The following FPGS variants were observed in gnomAD, a reference collection of about 807,000 sequenced individuals.
The protein encoded by FPGS is folylpolyglutamate synthase, mitochondrial.
Under a neutral mutation model 66.5 loss-of-function variants are expected in FPGS, and 53 were observed. The observed-to-expected ratio is 0.80, with a 90% CI of 0.64 to 1.00. The LOEUF (loss-of-function observed/expected upper bound fraction) is 1.00. Among genes scored for constraint, FPGS ranks in the 50% least tolerant of loss-of-function variants. The pLI is 0.00. For synonymous variants in FPGS, 348 were observed against 350.9 expected (o/e 0.99, Z 0.09); for missense variants, 702 against 807.7 (o/e 0.87, Z 1.59).
rs1001045385 is a variant in FPGS, at chr9:127,802,903, C to G, written c.-22C>G. ...GGGCGTCTCCCGCCCGGGCCTAGAGCGCTGCCGGGGGCGCCGGGACTATGT... is the reference window on the plus strand; with the variant it reads ...GGGCGTCTCCCGCCCGGGCCTAGAGGGCTGCCGGGGGCGCCGGGACTATGT... On this transcript the variant is annotated 5_prime_UTR_variant, in exon 1 of 15. Transcript: ENST00000373247. 6 of 1,349,464 alleles carry G rather than the reference C, an allele frequency of 4.4e-6. No homozygotes were observed. The highest frequency in any genetic ancestry group is 5.7e-6 in the Non-Finnish European group (6 of 1,057,006). The allele number at this position is 1,349,464 out of a possible 1,614,324, so 83.6% of individuals were successfully genotyped here. A position where few individuals can be genotyped will look rare whatever the true frequency, so the allele number is the denominator to read the frequency against.
At chr9:127,810,892 T>C (rs1031733706) in intron 13 of FPGS, 53 bp from the exon 14 acceptor site, 17 of 973,130 alleles carry the variant, frequency 1.7e-5, no homozygotes, top group South Asian at 5.8e-5. Flanking sequence ...ATATGGAAGT[T>C]GGTGGACATC....
At position 127,809,809 on chromosome 9, in the gene FPGS, C is replaced by T. The variant is rs1375923820; in HGVS notation, c.1186C>T (p.Leu396=). The change falls in exon 12 of 15, where the codon CTG becomes TTG. Residue 396 remains leucine (L), a synonymous_variant. Transcript: ENST00000373247. Reference sequence around the variant, plus strand: ...CTGCGTGCGCTGGTTCCGCCAGGCGCTGCAGGGCCGCGAGAGGCCGAGCGG... The same window carrying T: ...CTGCGTGCGCTGGTTCCGCCAGGCGTTGCAGGGCCGCGAGAGGCCGAGCGG... The part of the protein sequence containing the change: ...QACVRWFRQA[L]QGRERPSGGP... The T allele has an allele frequency of 2.7e-6, 4 of 1,475,358 alleles. No individual in the cohort carries two copies. The highest frequency in any genetic ancestry group is 8.9e-7 in the Non-Finnish European group (1 of 1,123,062). 91.4% of individuals were successfully genotyped at this position (1,475,358 alleles called of 1,614,324 possible).
At chr9:127,811,517 A>T (rs973169260) in intron 14 of FPGS, among the ~76,000 whole-genome samples, 8 of 152,006 alleles carry the variant, frequency 5.3e-5, no homozygotes, top group Non-Finnish European at 1.2e-4. Flanking sequence ...ACAGAGTCTC[A>T]CTCTGTCCCC....
At chr9:127,812,571 A>C (rs1248851080) in intron 14 of FPGS, among the ~76,000 whole-genome samples, 1 of 152,082 alleles carries the variant, frequency 6.6e-6, no homozygotes, top group Non-Finnish European at 1.5e-5. Flanking sequence ...GCTTGATCTC[A>C]GCTCACTGCA....
At position 127,810,937 on chromosome 9, in the gene FPGS, C is replaced by T; in HGVS notation, c.1288-8C>T. The T allele has an allele frequency of 6.4e-7, 1 of 1,553,648 alleles. No homozygotes were observed. The highest frequency in any genetic ancestry group is 8.8e-7 in the Non-Finnish European group (1 of 1,138,328). On this transcript the variant is annotated splice_region_variant and splice_polypyrimidine_tract_variant and intron_variant, in intron 13 of 14. Transcript: ENST00000373247. Reference sequence around the variant, plus strand: ...GTCTGACACCAAGTCTTTCCCTTGGCCTTCTAGCCCTGCCAGTTTGACTAT... The same window carrying T: ...GTCTGACACCAAGTCTTTCCCTTGGTCTTCTAGCCCTGCCAGTTTGACTAT...
intron 14 of FPGS, among the ~76,000 whole-genome samples, chr9:127,812,529 T>C (rs1830122013): frequency 6.6e-6 from 1 of 150,424 alleles, no homozygotes; most frequent in Admixed American, 6.6e-5. Context: ...TAAGATGGAG[T>C]CTTGCTCTGT....
Position 127,804,815 on chromosome 9 carries a change from C to CAT in FPGS, c.386+115_386+116insAT. 4 of 922,596 alleles carry CAT rather than the reference C, an allele frequency of 4.3e-6. No homozygotes were observed. In the South Asian group the frequency reaches 5.3e-5, roughly 12 times the overall value. The allele number at this position is 922,596 out of a possible 1,614,324, so 57.2% of individuals were successfully genotyped here. A position where few individuals can be genotyped will look rare whatever the true frequency, so the allele number is the denominator to read the frequency against. ...CCCAGGAGGTCAGCTGCATGTCTCT[C>CAT]TGCCCAGTGTTTATTCATTCAATAA... On this transcript the variant is annotated intron_variant, in intron 4 of 14. Coordinates refer to ENST00000373247, the MANE Select transcript of FPGS (RefSeq NM_004957.6).
chr9:127,807,653 GAGA>G lies in FPGS; in HGVS notation c.713_715del (p.Lys238del). On this transcript the variant is annotated inframe_deletion, in exon 8 of 15. Coordinates refer to ENST00000373247, the MANE Select transcript of FPGS (RefSeq NM_004957.6). The surrounding 1 kb of genome is among the most constrained non-coding windows in gnomAD (Gnocchi z 5.8). ...CACCAGCCTCCTGGGGGATACGGTG[GAGA>G]AGATCGCATGGCAGAAAGGGGGCAT... is the stretch of plus-strand genomic sequence containing the variant. 6.3e-7 allele frequency: 1 copy of G among 1,597,146 alleles called. No homozygotes were observed. Among genetic ancestry groups the G allele is most frequent in the Non-Finnish European group, 8.5e-7 (1 of 1,175,556 alleles).
chr9:127,809,662 C>T (rs1241846512), intron 11 of FPGS, 22 bp from the exon 12 acceptor site: 2 of 1,574,796 alleles, frequency 1.3e-6, no homozygotes, highest in Non-Finnish European at 1.7e-6. Flanking sequence ...GCCTGGAGGA[C>T]TGCCTTGCTG....
intron 1 of FPGS, among the ~76,000 whole-genome samples, chr9:127,803,927 G>C (rs1424410706): frequency 6.6e-6 from 1 of 152,210 alleles, no homozygotes; most frequent in Non-Finnish European, 1.5e-5. Context: ...TTCTGGCCCC[G>C]CTCTGGCAGG....
chr9:127,812,749 A>G (rs1452691163), intron 14 of FPGS, among the ~76,000 whole-genome samples: 2 of 149,798 alleles, frequency 1.3e-5, no homozygotes, highest in African/African-American at 4.9e-5. Context: ...CTGATCTTGA[A>G]CTCTTGACCT....
chr9:127,806,769 G>A (rs10987743), intron 4 of FPGS: 1 of 590,312 alleles, frequency 1.7e-6, no homozygotes, highest in East Asian at 2.8e-5. Flanking sequence ...GTGGTGAATA[G>A]GGTGAGCCAG....
chr9:127,814,090 C>G, downstream of FPGS: 6 of 986,880 alleles, frequency 6.1e-6, no homozygotes, highest in Non-Finnish European at 7.2e-6. Flanking sequence ...GACCCTTGAC[C>G]CCCTGCTCCC....
rs1733982923 is a variant in FPGS at position 127,803,068 on chromosome 9, A to G, written c.138+6A>G. On this transcript the variant is annotated splice_donor_region_variant and intron_variant, in intron 1 of 14. Coordinates refer to ENST00000373247, the MANE Select transcript of FPGS (RefSeq NM_004957.6). Reference sequence around the variant, plus strand: ...AGCCGAGCATGGAGTACCAGGTATCAGGCGGGCCAGCGGGCCAGCGGGCCT... The same window carrying G: ...AGCCGAGCATGGAGTACCAGGTATCGGGCGGGCCAGCGGGCCAGCGGGCCT... The G allele has an allele frequency of 1.3e-5, 18 of 1,390,634 alleles. No homozygotes were observed. Among genetic ancestry groups the G allele is most frequent in the South Asian group, 1.6e-5 (1 of 63,078 alleles). The allele number at this position is 1,390,634 out of a possible 1,614,324, so 86.1% of individuals were successfully genotyped here. A position where few individuals can be genotyped will look rare whatever the true frequency, so the allele number is the denominator to read the frequency against.
chr9:127,808,322 T>C lies in FPGS; in HGVS notation c.822+11T>C, dbSNP rs200345662. 1,495 of 1,611,248 alleles carry C rather than the reference T, an allele frequency of 9.3e-4. 2 individuals are homozygous for C. Among genetic ancestry groups the C allele is most frequent in the Non-Finnish European group, 1.2e-3 (1,391 of 1,177,454 alleles). ...GCCCAGCAGATCTCAGTAAGTCTGA[T>C]TGGAATGGGGCAGCGGCAGGGTGGG... On this transcript the variant is annotated intron_variant, in intron 9 of 14. Transcript: ENST00000373247.
At position 127,807,293 on chromosome 9, in the gene FPGS, G is replaced by A. The variant is rs1363290465; in HGVS notation, c.579+7G>A. 1.9e-6 allele frequency: 3 copies of A among 1,613,968 alleles called. No individual in the cohort carries two copies. In the African/African-American group the frequency reaches 4.0e-5, roughly 22 times the overall value. On this transcript the variant is annotated splice_region_variant and intron_variant, in intron 6 of 14. Transcript: ENST00000373247. The surrounding 1 kb of genome is among the most constrained non-coding windows in gnomAD (Gnocchi z 5.8). ...CGTCTTCCTCCAAGAGAAGGTGTGT[G>A]CCCTCTCCCTAGAACCCTGCATCTG...
At chr9:127,806,813 C>T (rs1445637344) in intron 4 of FPGS, 160 bp from the exon 5 acceptor site, 4 of 622,650 alleles carry the variant, frequency 6.4e-6, no homozygotes, top group Non-Finnish European at 1.2e-5. Flanking sequence ...ATGGGGAGGA[C>T]TGGGGGGCTA....
intron 1 of FPGS, 104 bp downstream of exon 1, chr9:127,803,166 G>T (rs1339614347): frequency 1.6e-6 from 2 of 1,237,290 alleles, no homozygotes; most frequent in Non-Finnish European, 2.0e-6. Flanking sequence ...GGTATCGGGA[G>T]CCCTGGACTG....
intron 8 of FPGS, 153 bp from the exon 9 acceptor site, chr9:127,808,080 TG>T: frequency 3.2e-6 from 2 of 631,232 alleles, no homozygotes; most frequent in South Asian, 1.9e-5. Flanking sequence ...CACTCCAGCC[TG>T]GGTGACAGAG....
Sources: allele counts gnomAD v4.1 joint callset (sites outside exome capture counted in the v4.1 genomes callset), GRCh38; gene constraint gnomAD v4.1.1; non-coding constraint Gnocchi (gnomAD v3.1); transcripts MANE v1.5; gene names NCBI Gene and HGNC (gene_info 2026-07-23, HGNC 2026-07-21).